Variants in AGBL4 observed in about 807,000 individuals in gnomAD.
AGBL4 encodes cytosolic carboxypeptidase 6.
Under a neutral mutation model 66.4 loss-of-function variants are expected in AGBL4, and 58 were observed. The ratio of observed to expected loss-of-function variants is 0.87; its 90% CI spans 0.71 to 1.09. The LOEUF (loss-of-function observed/expected upper bound fraction) is 1.09, where lower values mean the gene tolerates loss of function less well. Among genes scored for constraint, AGBL4 ranks in the 50% least tolerant of loss-of-function variants. AGBL4 has a pLI of 0.00. For missense variants in AGBL4, 579 were observed against 631.0 expected, an observed-to-expected ratio of 0.92 and a Z score of 0.88; for synonymous variants, 234 against 222.9, an observed-to-expected ratio of 1.05 and a Z score of -0.44.
At chr1:49,406,780 T>C (rs553623021) in intron 3 of AGBL4, among the ~76,000 whole-genome samples, 78 of 152,142 alleles carry the variant, frequency 5.1e-4, no homozygotes, top group South Asian at 1.9e-3. Context: ...ATAAAATAAA[T>C]GCAGGCCAGG....
At chr1:49,653,259 A>T (rs1046525202) in intron 3 of AGBL4, among the ~76,000 whole-genome samples, 1 of 152,200 alleles carries the variant, frequency 6.6e-6, no homozygotes, top group African/African-American at 2.4e-5. Flanking sequence ...AAGAAAAACA[A>T]GTGCAAAGAA....
At chr1:49,004,102 C>A (rs1422453671) in intron 5 of AGBL4, among the ~76,000 whole-genome samples, 1 of 152,142 alleles carries the variant, frequency 6.6e-6, no homozygotes, top group Non-Finnish European at 1.5e-5. Flanking sequence ...AGGGCTGGGC[C>A]TTCATTGAGC....
At chr1:49,623,328 T>A (rs530468388) in intron 3 of AGBL4, among the ~76,000 whole-genome samples, 3 of 152,344 alleles carry the variant, frequency 2.0e-5, no homozygotes, top group African/African-American at 4.8e-5. Context: ...ATTTCCATTA[T>A]AAGGAAATTT....
At chr1:48,966,865 A>C (rs1658468428) in intron 5 of AGBL4, among the ~76,000 whole-genome samples, 3 of 152,084 alleles carry the variant, frequency 2.0e-5, no homozygotes, top group Admixed American at 2.0e-4. Context: ...AAATTTTACC[A>C]AAACTATAAT....
intron 3 of AGBL4, among the ~76,000 whole-genome samples, chr1:49,438,913 G>C (rs1645963871): frequency 6.6e-6 from 1 of 152,166 alleles, no homozygotes; most frequent in East Asian, 1.9e-4. Flanking sequence ...GGGCATTCTT[G>C]CTGCATCATC....
chr1:48,819,738 T>G (rs1415686298), intron 6 of AGBL4, among the ~76,000 whole-genome samples: 1 of 152,194 alleles, frequency 6.6e-6, no homozygotes, highest in Admixed American at 6.5e-5. Flanking sequence ...AAGGAGTTCT[T>G]TGCAAGACTC....
chr1:48,986,223 G>A (rs1660164736), intron 5 of AGBL4, among the ~76,000 whole-genome samples: 1 of 151,946 alleles, frequency 6.6e-6, no homozygotes, highest in South Asian at 2.1e-4. Context: ...TTGAAAGCAG[G>A]GCTAGGGGTA....
chr1:49,630,146 G>A (rs961100867), intron 3 of AGBL4, among the ~76,000 whole-genome samples: 1 of 152,046 alleles, frequency 6.6e-6, no homozygotes, highest in African/African-American at 2.4e-5. Flanking sequence ...ACAGTATTGA[G>A]TCCAGCTCTT....
intron 3 of AGBL4, among the ~76,000 whole-genome samples, chr1:49,544,294 G>A (rs781541694): frequency 6.6e-6 from 1 of 152,178 alleles, no homozygotes; most frequent in Non-Finnish European, 1.5e-5. Context: ...CATGTAAGCA[G>A]AAGCTAGTAT....
At chr1:49,396,300 A>C (rs780770989) in intron 3 of AGBL4, among the ~76,000 whole-genome samples, 27 of 151,524 alleles carry the variant, frequency 1.8e-4, no homozygotes, top group Non-Finnish European at 3.5e-4. Flanking sequence ...ACATACTTCT[A>C]AGTACCAAAA....
In AGBL4 at chr1:48,533,762, A is replaced by T. The variant is rs896489237; in HGVS notation, c.*411T>A. 4.8e-6 allele frequency: 1 copy of T among 208,892 alleles called. No individual in the cohort carries two copies. The highest frequency in any genetic ancestry group is 9.7e-6 in the Non-Finnish European group (1 of 103,552). The allele number at this position is 208,892 out of a possible 1,614,324, so 12.9% of individuals were successfully genotyped here. A position where few individuals can be genotyped will look rare whatever the true frequency, so the allele number is the denominator to read the frequency against. On this transcript the variant is annotated 3_prime_UTR_variant, in exon 14 of 14. Transcript: ENST00000371839. Reference sequence around the variant, plus strand: ...GAAAATACAAACACTGCATTTCTAAAGCTGTAAACAACCAAGCCTATTTAA... The same window carrying T: ...GAAAATACAAACACTGCATTTCTAATGCTGTAAACAACCAAGCCTATTTAA...
At chr1:48,694,941 A>G (rs541540697) in intron 6 of AGBL4, among the ~76,000 whole-genome samples, 11 of 152,120 alleles carry the variant, frequency 7.2e-5, no homozygotes, top group African/African-American at 2.7e-4. Flanking sequence ...CTGTCTCTTG[A>G]CCACATTAAT....
At chr1:49,900,171 C>A (rs1028140440) in intron 1 of AGBL4, among the ~76,000 whole-genome samples, 1 of 152,190 alleles carries the variant, frequency 6.6e-6, no homozygotes, top group Non-Finnish European at 1.5e-5. Flanking sequence ...CATATTGCTT[C>A]TAACTGTAGA....
At chr1:48,565,512 G>A (rs553475268) in intron 11 of AGBL4, among the ~76,000 whole-genome samples, 1 of 152,216 alleles carries the variant, frequency 6.6e-6, no homozygotes, top group African/African-American at 2.4e-5. Context: ...ATGATCTTTG[G>A]TTCCTCAACT....
chr1:48,749,908 G>C (rs1324707313), intron 6 of AGBL4, among the ~76,000 whole-genome samples: 1 of 152,202 alleles, frequency 6.6e-6, no homozygotes, highest in Non-Finnish European at 1.5e-5. Flanking sequence ...CAGTTGGCTG[G>C]GTTGGGGGGC....
chr1:49,633,867 AAAT>A (rs1645618072), intron 3 of AGBL4, among the ~76,000 whole-genome samples: 1 of 140,152 alleles, frequency 7.1e-6, no homozygotes, highest in South Asian at 2.3e-4. Context: ...ACATATAGTT[AAAT>A]AATTTATGAA....
At chr1:48,975,020 A>G (rs1313030878) in intron 5 of AGBL4, among the ~76,000 whole-genome samples, 2 of 152,094 alleles carry the variant, frequency 1.3e-5, no homozygotes, top group Non-Finnish European at 2.9e-5. Context: ...CAGCTACAAT[A>G]TTATAAGGAG....
chr1:49,122,496 T>C (rs1645678185), intron 4 of AGBL4, among the ~76,000 whole-genome samples: 1 of 152,184 alleles, frequency 6.6e-6, no homozygotes, highest in Non-Finnish European at 1.5e-5. Context: ...AATATTCCAA[T>C]CACATTAATC....
At chr1:48,643,045 C>T (rs1172450353) in intron 8 of AGBL4, among the ~76,000 whole-genome samples, 1 of 152,152 alleles carries the variant, frequency 6.6e-6, no homozygotes, top group Non-Finnish European at 1.5e-5. Flanking sequence ...GTTTTGAGGA[C>T]TCAATGAAAT....
Sources: gnomAD v4.1 joint callset for allele counts (sites outside exome capture counted in the v4.1 genomes callset) on GRCh38, gnomAD v4.1.1 for gene constraint, MANE v1.5 for transcripts, NCBI Gene and HGNC (gene_info 2026-07-23, HGNC 2026-07-21) for gene names.